Variants in ITPRID1 observed in about 807,000 individuals in gnomAD.
The protein encoded by ITPRID1 is ITPR interacting domain containing 1.
In ITPRID1, 96 loss-of-function variants were observed where a neutral mutation model predicts 95.4. The observed-to-expected ratio is 1.01, with a 90% CI of 0.85 to 1.19. ITPRID1 has a LOEUF of 1.19. Among genes scored for constraint, ITPRID1 ranks in the 50% most tolerant of loss-of-function variants. The pLI is 0.00. For synonymous variants in ITPRID1, 510 were observed against 453.6 expected, an observed-to-expected ratio of 1.12 and a Z score of -1.58; for missense variants, 1,339 against 1,252.9, an observed-to-expected ratio of 1.07 and a Z score of -1.04.
chr7:31,587,514 T>A (rs1048489868), intron 10 of ITPRID1, among the ~76,000 whole-genome samples: 3 of 145,428 alleles, frequency 2.1e-5, no homozygotes, highest in African/African-American at 7.6e-5. Context: ...GGAAGAACAT[T>A]CCATGCTCAT....
intron 10 of ITPRID1, among the ~76,000 whole-genome samples, chr7:31,621,115 C>T (rs1376518520): frequency 6.6e-6 from 1 of 151,984 alleles, no homozygotes; most frequent in Non-Finnish European, 1.5e-5. Context: ...TGTGAAAAGA[C>T]CAAATCTACG....
rs34177136 is a variant in ITPRID1, at chr7:31,652,795, C to G, written c.3101C>G (p.Pro1034Arg). 4.2e-3 allele frequency: 6,750 copies of G among 1,613,504 alleles called. 30 individuals carry two copies. Among genetic ancestry groups the G allele is most frequent in the Non-Finnish European group, 5.0e-3 (5,852 of 1,179,534 alleles). ...KLGPTPLSNC[P>R]VGEKDADVFL ...GGTCCAACCCCTTTGTCAAATTGTC[C>G]TGTTGGAGAAAAGGATGCAGATGTC... Residue 1034 changes from proline (P) to arginine (R), a missense_variant, in exon 15 of 15, where the codon CCT becomes CGT. Transcript: ENST00000615280.
At chr7:31,572,465 C>T (rs529766413) in intron 7 of ITPRID1, among the ~76,000 whole-genome samples, 30 of 151,572 alleles carry the variant, frequency 2.0e-4, no homozygotes, top group African/African-American at 6.8e-4. Flanking sequence ...CAGACATACA[C>T]ATATTGGCTT....
At chr7:31,612,388 G>A (rs1352052016) in intron 10 of ITPRID1, among the ~76,000 whole-genome samples, 1 of 151,884 alleles carries the variant, frequency 6.6e-6, no homozygotes, top group Non-Finnish European at 1.5e-5. Context: ...GTGTGTGTGG[G>A]TCATTCTTTC....
chr7:31,544,261 G>A (rs1339729830), intron 1 of ITPRID1, among the ~76,000 whole-genome samples: 1 of 152,052 alleles, frequency 6.6e-6, no homozygotes, highest in African/African-American at 2.4e-5. Context: ...TAGTTGACCA[G>A]TTATTTTTAA....
intron 10 of ITPRID1, among the ~76,000 whole-genome samples, chr7:31,619,274 T>C (rs1787570561): frequency 6.6e-6 from 1 of 152,118 alleles, no homozygotes; most frequent in Non-Finnish European, 1.5e-5. Context: ...GGGTAAACTC[T>C]CATAATTTAC....
intron 1 of ITPRID1, among the ~76,000 whole-genome samples, chr7:31,549,064 C>T (rs946548052): frequency 2.0e-5 from 3 of 152,070 alleles, no homozygotes; most frequent in African/African-American, 7.2e-5. Flanking sequence ...GTTAGAGATC[C>T]ATTTGGATGC....
chr7:31,617,708 CGACCCCCACA>C (rs1787396034), intron 10 of ITPRID1, among the ~76,000 whole-genome samples: 1 of 151,904 alleles, frequency 6.6e-6, no homozygotes, highest in Non-Finnish European at 1.5e-5. Flanking sequence ...GTGCTCCCTC[CGACCCCCACA>C]GTACTTTAAG....
chr7:31,655,788 GC>G lies in ITPRID1; in HGVS notation c.*2960del. 1.0e-6 allele frequency: 1 copy of G among 985,594 alleles called. No homozygotes were observed. Among genetic ancestry groups the G allele is most frequent in the Non-Finnish European group, 1.2e-6 (1 of 829,996 alleles). The allele number at this position is 985,594 out of a possible 1,614,324, so 61.1% of individuals were successfully genotyped here. A position where few individuals can be genotyped will look rare whatever the true frequency, so the allele number is the denominator to read the frequency against. ...GCTTTTTACTCTTTACCCAGGTTGGGCTTTTGACCTCCCCTTCTCCATGTAG... is the reference window on the plus strand; with the variant it reads ...GCTTTTTACTCTTTACCCAGGTTGGGTTTTGACCTCCCCTTCTCCATGTAG... On this transcript the variant is annotated 3_prime_UTR_variant, in exon 15 of 15. Transcript: ENST00000615280.
intron 1 of ITPRID1, among the ~76,000 whole-genome samples, chr7:31,531,202 T>C (rs1333240022): frequency 6.6e-6 from 1 of 152,194 alleles, no homozygotes; most frequent in African/African-American, 2.4e-5. Context: ...TTTGCATAGT[T>C]ACAAGATGAT....
intron 1 of ITPRID1, among the ~76,000 whole-genome samples, chr7:31,515,834 G>C (rs565797295): frequency 9.2e-5 from 14 of 152,214 alleles, no homozygotes; most frequent in African/African-American, 3.4e-4. Context: ...AATGTGAAGA[G>C]AGAATGAGAA....
rs780781836 is a variant in ITPRID1, at chr7:31,643,702, C to A, written c.2332C>A (p.Pro778Thr). 2.5e-6 allele frequency: 4 copies of A among 1,614,056 alleles called. No homozygotes were observed. In the East Asian group the frequency reaches 6.7e-5, roughly 27 times the overall value. Reference protein sequence around the residue: ...SNKTLTHGPQPLTKSVSLDSG... With the variant: ...SNKTLTHGPQTLTKSVSLDSG... Reference sequence around the variant, plus strand: ...CAAGACCTTGACACATGGGCCCCAGCCCCTCACCAAATCCGTCTCTCTAGA... The same window carrying A: ...CAAGACCTTGACACATGGGCCCCAGACCCTCACCAAATCCGTCTCTCTAGA... Residue 778 changes from proline (P) to threonine (T), a missense_variant, in exon 12 of 15, where the codon CCC (proline) becomes ACC (threonine). By Grantham distance (38) the Pro-to-Thr change is conservative. Transcript: ENST00000615280.
chr7:31,648,395 T>A lies in ITPRID1; in HGVS notation c.2584-2747T>A, dbSNP rs564846536. Among the ~76,000 whole-genome samples, 97 of 152,286 alleles carry A rather than the reference T, an allele frequency of 6.4e-4. 1 individual carries two copies. The Middle Eastern group carries it at 0.014, about 21-fold the overall frequency. Reference sequence around the variant, plus strand: ...TATTTTTGAGGGTTTTTATTTATTTTTTTTCTCACCTACAGTTTTCTTTAT... The same window carrying A: ...TATTTTTGAGGGTTTTTATTTATTTATTTTCTCACCTACAGTTTTCTTTAT... On this transcript the variant is annotated intron_variant, in intron 12 of 14. Coordinates refer to ENST00000615280, the MANE Select transcript of ITPRID1 (RefSeq NM_001257967.3).
intron 10 of ITPRID1, among the ~76,000 whole-genome samples, chr7:31,632,413 C>T (rs1224230097): frequency 2.0e-5 from 3 of 152,168 alleles, no homozygotes; most frequent in Non-Finnish European, 4.4e-5. Flanking sequence ...TGCCACTGCA[C>T]TCCAGCCTGG....
At chr7:31,518,601 A>G (rs1205116243) in intron 1 of ITPRID1, among the ~76,000 whole-genome samples, 1 of 152,208 alleles carries the variant, frequency 6.6e-6, no homozygotes, top group Non-Finnish European at 1.5e-5. Context: ...CCTTAATCTC[A>G]GGTCCAAGGA....
At chr7:31,602,540 G>A (rs758019622) in intron 10 of ITPRID1, among the ~76,000 whole-genome samples, 11 of 152,214 alleles carry the variant, frequency 7.2e-5, no homozygotes, top group Non-Finnish European at 1.3e-4. Flanking sequence ...GCCTGCACGA[G>A]AGGCTGCATT....
At position 31,549,519 on chromosome 7, in the gene ITPRID1, T is replaced by G; in HGVS notation, c.-24+20T>G. 6.6e-7 allele frequency: 1 copy of G among 1,511,296 alleles called. No individual in the cohort carries two copies. The highest frequency in any genetic ancestry group is 1.4e-5 in the African/African-American group (1 of 72,328). The allele number at this position is 1,511,296 out of a possible 1,614,324, so 93.6% of individuals were successfully genotyped here. A position where few individuals can be genotyped will look rare whatever the true frequency, so the allele number is the denominator to read the frequency against. On this transcript the variant is annotated intron_variant, in intron 2 of 14. Coordinates refer to ENST00000615280, the MANE Select transcript of ITPRID1 (RefSeq NM_001257967.3). ...TGAGTGGTGATTGTTTTGGATATATTTTTCATTAAATTTTCCCAAAAACTC... is the reference window on the plus strand; with the variant it reads ...TGAGTGGTGATTGTTTTGGATATATGTTTCATTAAATTTTCCCAAAAACTC...
intron 2 of ITPRID1, 37 bp from the exon 3 acceptor site, chr7:31,552,965 C>T: frequency 2.6e-6 from 4 of 1,557,088 alleles, no homozygotes; most frequent in East Asian, 4.7e-5. Context: ...AAGCTGAACT[C>T]ATCGTGTCTG....
intron 10 of ITPRID1, among the ~76,000 whole-genome samples, chr7:31,599,589 C>CTTTCTTTCTTTCTTTCTTT: frequency 4.9e-5 from 2 of 40,826 alleles, no homozygotes; most frequent in South Asian, 1.4e-3. Context: ...GTGTTATTTT[C>CTTTCTTTCTTTCTTTCTTT]TTTCTTTCTT....
Sources: allele counts gnomAD v4.1 joint callset (sites outside exome capture counted in the v4.1 genomes callset), GRCh38; gene constraint gnomAD v4.1.1; transcripts MANE v1.5; gene names NCBI Gene and HGNC (gene_info 2026-07-23, HGNC 2026-07-21).